The following CDYL2 variants were observed in gnomAD, a reference collection of about 807,000 sequenced individuals.
CDYL2 encodes the protein chromodomain Y-like protein 2.
CDYL2 carries 23 observed loss-of-function variants against 49.4 expected under a neutral mutation model. The observed-to-expected ratio is 0.47, with a 90% CI of 0.34 to 0.66. The LOEUF is 0.66. Ranked by LOEUF, CDYL2 falls within the 30% of genes least tolerant of loss-of-function variation. CDYL2 has a pLI of 0.01. For missense variants in CDYL2, 678 were observed against 656.4 expected (o/e 1.03, Z -0.36); for synonymous variants, 360 against 268.8 (o/e 1.34, Z -3.32).
At chr16:80,685,725 C>A (rs1567570877) in intron 1 of CDYL2, among the ~76,000 whole-genome samples, 1 of 152,162 alleles carries the variant, frequency 6.6e-6, no homozygotes, top group Non-Finnish European at 1.5e-5. Flanking sequence ...TTTCTATCCC[C>A]AATTTACAGT....
At chr16:80,605,598 AATC>A (rs1169626953) in intron 6 of CDYL2, among the ~76,000 whole-genome samples, 6 of 150,988 alleles carry the variant, frequency 4.0e-5, no homozygotes, top group Admixed American at 2.0e-4. Context: ...TAGTAACAGT[AATC>A]ATATTAATGA....
At chr16:80,772,386 C>T (rs992471080) in intron 1 of CDYL2, among the ~76,000 whole-genome samples, 7 of 152,124 alleles carry the variant, frequency 4.6e-5, no homozygotes, top group African/African-American at 1.7e-4. Flanking sequence ...GCACTTAAGA[C>T]AAATGTGGAT....
Position 80,782,058 on chromosome 16 carries a change from G to C in CDYL2, c.24+22092C>G, listed in dbSNP as rs974780831. On this transcript the variant is annotated intron_variant, in intron 1 of 6. Coordinates refer to ENST00000570137, the MANE Select transcript of CDYL2 (RefSeq NM_152342.4). ...AAATAATAAAGATTAGCATAAAGTA[G>C]AGAATACAAAAACAATAGAGAAAAT... Among the ~76,000 whole-genome samples, 9 of 151,782 alleles carry C rather than the reference G, an allele frequency of 5.9e-5. No homozygotes were observed. In the East Asian group the frequency reaches 1.2e-3, roughly 20 times the overall value.
intron 1 of CDYL2, among the ~76,000 whole-genome samples, chr16:80,733,742 A>C (rs1366765733): frequency 2.0e-5 from 3 of 152,194 alleles, no homozygotes; most frequent in Admixed American, 1.3e-4. Context: ...ATGTTAGAAG[A>C]AGCTCTTCTA....
chr16:80,775,158 A>G (rs1360154044), intron 1 of CDYL2, among the ~76,000 whole-genome samples: 1 of 151,906 alleles, frequency 6.6e-6, no homozygotes, highest in Non-Finnish European at 1.5e-5. Flanking sequence ...ACTATAAGAA[A>G]TACTTCAGCA....
chr16:80,674,015 G>A (rs968492269), intron 2 of CDYL2, among the ~76,000 whole-genome samples: 5 of 152,154 alleles, frequency 3.3e-5, no homozygotes, highest in African/African-American at 7.2e-5. Flanking sequence ...CCTCCAGAAG[G>A]AGCACAGCCC....
intron 1 of CDYL2, among the ~76,000 whole-genome samples, chr16:80,717,490 C>T (rs912420124): frequency 1.3e-5 from 2 of 152,258 alleles, no homozygotes; most frequent in Non-Finnish European, 2.9e-5. Flanking sequence ...GTAACCTGAG[C>T]TGGGGCAAAT....
intron 5 of CDYL2, 89 bp from the exon 6 acceptor site, chr16:80,608,324 C>A: frequency 7.2e-7 from 1 of 1,386,554 alleles, no homozygotes; most frequent in Non-Finnish European, 9.5e-7. Flanking sequence ...TGCAACCATC[C>A]CAGTTCTGGA....
intron 1 of CDYL2, among the ~76,000 whole-genome samples, chr16:80,715,575 C>T (rs966415730): frequency 5.3e-5 from 8 of 152,154 alleles, no homozygotes; most frequent in East Asian, 1.9e-4. Flanking sequence ...TGCACCCCTC[C>T]GGCCTCCCTT....
At chr16:80,606,895 C>T (rs7196589) in intron 6 of CDYL2, among the ~76,000 whole-genome samples, 41,108 of 152,104 alleles carry the variant, frequency 0.27, 6,168 homozygotes, top group Middle Eastern at 0.35. Context: ...TTTGGCCTTC[C>T]GCCATGATTG....
Position 80,599,446 on chromosome 16 carries a change from T to G in CDYL2, c.*4942A>C, listed in dbSNP as rs1429669064. 5.3e-5 allele frequency: 8 copies of G among 152,210 alleles called. No individual in the cohort carries two copies. The highest frequency in any genetic ancestry group is 8.8e-5 in the Non-Finnish European group (6 of 68,028). 9.4% of individuals were successfully genotyped at this position (152,210 alleles called of 1,614,324 possible). A position where few individuals can be genotyped will look rare whatever the true frequency, so the allele number is the denominator to read the frequency against. ...CTGTCAAGGAGCTCCATGATTTATG[T>G]TCTAGAAAAACAGTCCTGGATAGAC... is the stretch of plus-strand genomic sequence containing the variant. On this transcript the variant is annotated 3_prime_UTR_variant, in exon 7 of 7. Coordinates refer to ENST00000570137, the MANE Select transcript of CDYL2 (RefSeq NM_152342.4).
intron 1 of CDYL2, among the ~76,000 whole-genome samples, chr16:80,770,558 A>T (rs1174450343): frequency 1.3e-5 from 2 of 152,252 alleles, no homozygotes; most frequent in African/African-American, 4.8e-5. Flanking sequence ...GCCCACAAAA[A>T]AAAATAGAAT....
intron 1 of CDYL2, among the ~76,000 whole-genome samples, chr16:80,695,110 C>G (rs1292707443): frequency 6.6e-6 from 1 of 152,216 alleles, no homozygotes; most frequent in Admixed American, 6.5e-5. Flanking sequence ...GGCCTGCAGG[C>G]CAAATCTGGC....
At chr16:80,753,935 G>A (rs1241056145) in intron 1 of CDYL2, among the ~76,000 whole-genome samples, 3 of 152,160 alleles carry the variant, frequency 2.0e-5, no homozygotes, top group Non-Finnish European at 2.9e-5. Flanking sequence ...AAAAGCCAGG[G>A]TAAAAAACCA....
intron 1 of CDYL2, among the ~76,000 whole-genome samples, chr16:80,784,343 A>C (rs923461857): frequency 6.6e-6 from 1 of 152,218 alleles, no homozygotes; most frequent in African/African-American, 2.4e-5. Context: ...AGAAGTTCTA[A>C]GACTATTTTT....
At chr16:80,761,718 C>T (rs1347692414) in intron 1 of CDYL2, among the ~76,000 whole-genome samples, 1 of 151,946 alleles carries the variant, frequency 6.6e-6, no homozygotes, top group African/African-American at 2.4e-5. Flanking sequence ...TTTTGAGATT[C>T]AAAAGGTATA....
chr16:80,781,809 A>G (rs945460835), intron 1 of CDYL2, among the ~76,000 whole-genome samples: 1 of 152,182 alleles, frequency 6.6e-6, no homozygotes, highest in Admixed American at 6.5e-5. Flanking sequence ...AATGTGTCAA[A>G]GAAAAAAATC....
intron 3 of CDYL2, 109 bp from the exon 4 acceptor site, chr16:80,621,044 G>C: frequency 8.0e-7 from 1 of 1,249,480 alleles, no homozygotes; most frequent in Non-Finnish European, 1.1e-6. Flanking sequence ...TAGAGGCCAG[G>C]GAATCTGCTT....
At chr16:80,660,150 A>C (rs1908983326) in intron 2 of CDYL2, among the ~76,000 whole-genome samples, 1 of 152,130 alleles carries the variant, frequency 6.6e-6, no homozygotes, top group South Asian at 2.1e-4. Context: ...ACACCAAGAA[A>C]ATTTATCTAC....
Sources: gnomAD v4.1 joint callset for allele counts (sites outside exome capture counted in the v4.1 genomes callset) on GRCh38, gnomAD v4.1.1 for gene constraint, MANE v1.5 for transcripts, NCBI Gene and HGNC (gene_info 2026-07-23, HGNC 2026-07-21) for gene names.